The following ABCA13 variants were observed in gnomAD, a reference collection of about 807,000 sequenced individuals.
ABCA13 encodes ATP-binding cassette sub-family A member 13.
A neutral mutation model predicts 478.7 loss-of-function variants in ABCA13; 476 were observed. The ratio of observed to expected loss-of-function variants is 0.99; its 90% confidence interval spans 0.92 to 1.07. The LOEUF is 1.07. Among genes scored for constraint, ABCA13 ranks in the 50% least tolerant of loss-of-function variants. The pLI, the probability that ABCA13 is intolerant of heterozygous loss-of-function variation, is 0.00. For synonymous variants in ABCA13, 2,252 were observed against 2,158.9 expected (o/e 1.04, Z -1.20); for missense variants, 6,060 against 5,910.6 (o/e 1.03, Z -0.83).
intron 42 of ABCA13, among the ~76,000 whole-genome samples, chr7:48,441,860 A>G (rs1046091176): frequency 3.3e-5 from 5 of 152,220 alleles, no homozygotes; most frequent in Admixed American, 2.6e-4. Context: ...GCGAACTCTA[A>G]ATGATAAAAA....
In ABCA13 at chr7:48,347,712, A is replaced by G. The variant is rs547586676; in HGVS notation, c.10205-2931A>G. On this transcript the variant is annotated intron_variant, in intron 29 of 61. Transcript: ENST00000435803. ...TGGAAAGTCCCCTGCCACACAGGAC[A>G]TTGCTTTGTGCTGTGCTACCTGAAC... is the stretch of plus-strand genomic sequence containing the variant. Among the ~76,000 whole-genome samples, 377 of 152,316 alleles carry G rather than the reference A, an allele frequency of 2.5e-3. 2 individuals are homozygous for G. Among genetic ancestry groups the G allele is most frequent in the African/African-American group, 8.6e-3 (359 of 41,574 alleles).
At position 48,401,007 on chromosome 7, in the gene ABCA13, G is replaced by A. The variant is rs549446215; in HGVS notation, c.11874-2676G>A. Among the ~76,000 whole-genome samples the A allele has an allele frequency of 1.1e-3, 163 of 152,344 alleles. 5 individuals are homozygous for A. The South Asian group carries it at 0.021, about 20-fold the overall frequency. ...GACACTTAACAGGTACATATGATAC[G>A]TGTCACAGGGACCCAGTGGATGCCA... is the stretch of plus-strand genomic sequence containing the variant. On this transcript the variant is annotated intron_variant, in intron 38 of 61. Coordinates refer to ENST00000435803, the MANE Select transcript of ABCA13 (RefSeq NM_152701.5).
At chr7:48,422,063 A>AG (rs2129123935) in intron 41 of ABCA13, among the ~76,000 whole-genome samples, 1 of 60,000 alleles carries the variant, frequency 1.7e-5, no homozygotes, top group South Asian at 4.4e-4. Flanking sequence ...TACAAAAAAA[A>AG]AAAAAAAAAA....
At chr7:48,300,656 A>C (rs1215878387) in intron 23 of ABCA13, among the ~76,000 whole-genome samples, 1 of 152,228 alleles carries the variant, frequency 6.6e-6, no homozygotes, top group Non-Finnish European at 1.5e-5. Context: ...CAGCAGATGC[A>C]TGGATACCAT....
At chr7:48,551,210 A>G (rs1409115757) in intron 55 of ABCA13, among the ~76,000 whole-genome samples, 1 of 151,826 alleles carries the variant, frequency 6.6e-6, no homozygotes, top group Non-Finnish European at 1.5e-5. Flanking sequence ...CCTACTTAAT[A>G]TGTGAGCATT....
At chr7:48,344,501 G>A (rs1340997495) in intron 29 of ABCA13, among the ~76,000 whole-genome samples, 1 of 152,148 alleles carries the variant, frequency 6.6e-6, no homozygotes, top group Non-Finnish European at 1.5e-5. Context: ...ATTATTCTCT[G>A]GGGCTTGGCC....
intron 35 of ABCA13, among the ~76,000 whole-genome samples, chr7:48,379,497 A>T (rs557944887): frequency 2.1e-4 from 32 of 152,326 alleles, no homozygotes; most frequent in African/African-American, 6.5e-4. Flanking sequence ...GAGAAATAGA[A>T]ACTAATTTAT....
intron 59 of ABCA13, chr7:48,626,565 A>G (rs975662216): frequency 3.1e-6 from 3 of 961,516 alleles, no homozygotes; most frequent in South Asian, 9.6e-5. Flanking sequence ...CAGGAGAATA[A>G]CTGGCCTATT....
rs778029999 is a variant in ABCA13 at position 48,372,266 on chromosome 7, C to T, written c.10902C>T (p.Ile3634=). Residue 3634 remains isoleucine (I), a synonymous_variant, in exon 33 of 62, where the codon ATC becomes ATT. Coordinates refer to ENST00000435803, the MANE Select transcript of ABCA13 (RefSeq NM_152701.5). Reference sequence around the variant, plus strand: ...CCATAAGCAGTGCTACTCTGGCCATCGTTCTGAAAACAAGTGGCATCTTTG... The same window carrying T: ...CCATAAGCAGTGCTACTCTGGCCATTGTTCTGAAAACAAGTGGCATCTTTG... The part of the protein sequence containing the change: ...VLTISSATLA[I]VLKTSGIFAH... The T allele has an allele frequency of 7.4e-6, 12 of 1,613,952 alleles. No homozygotes were observed. The highest frequency in any genetic ancestry group is 1.7e-5 in the Admixed American group (1 of 60,016).
chr7:48,462,277 A>G (rs1418276449), intron 43 of ABCA13, among the ~76,000 whole-genome samples: 1 of 152,136 alleles, frequency 6.6e-6, no homozygotes, highest in Non-Finnish European at 1.5e-5. Context: ...GCAGGGAGGC[A>G]TTAAGAAGTT....
At chr7:48,573,310 T>C (rs1787854515) in intron 55 of ABCA13, among the ~76,000 whole-genome samples, 1 of 150,948 alleles carries the variant, frequency 6.6e-6, no homozygotes, top group Admixed American at 6.6e-5. Flanking sequence ...ATATCACTTG[T>C]GGGTTTATTT....
At chr7:48,308,513 T>A (rs1801249465) in intron 23 of ABCA13, among the ~76,000 whole-genome samples, 1 of 152,198 alleles carries the variant, frequency 6.6e-6, no homozygotes, top group South Asian at 2.1e-4. Flanking sequence ...TGCAGCAGTT[T>A]TGTTTACACC....
chr7:48,509,731 C>T (rs571776568), intron 50 of ABCA13, among the ~76,000 whole-genome samples: 1 of 152,234 alleles, frequency 6.6e-6, no homozygotes, highest in South Asian at 2.1e-4. Context: ...TCCAAGGTTG[C>T]TATAGACTAA....
At chr7:48,478,285 A>C (rs1489180693) in intron 45 of ABCA13, among the ~76,000 whole-genome samples, 1 of 126,116 alleles carries the variant, frequency 7.9e-6, no homozygotes, top group East Asian at 2.5e-4. Context: ...TATATCATAT[A>C]TATCATTTTA....
chr7:48,413,343 A>G (rs1218995936), intron 41 of ABCA13, among the ~76,000 whole-genome samples: 1 of 152,092 alleles, frequency 6.6e-6, no homozygotes, highest in Non-Finnish European at 1.5e-5. Context: ...CCCAGGTCCC[A>G]CTTTTCTCTA....
intron 23 of ABCA13, among the ~76,000 whole-genome samples, chr7:48,305,520 C>T (rs1800776381): frequency 6.6e-6 from 1 of 152,186 alleles, no homozygotes; most frequent in Non-Finnish European, 1.5e-5. Context: ...TCTCTCTCCC[C>T]ATCATCTCCA....
At chr7:48,329,200 T>A (rs559893971) in intron 27 of ABCA13, among the ~76,000 whole-genome samples, 2 of 152,322 alleles carry the variant, frequency 1.3e-5, no homozygotes, top group East Asian at 3.9e-4. Context: ...TGTAAACATA[T>A]AGATAAACTC....
chr7:48,373,577 A>T (rs1221086402), intron 33 of ABCA13, among the ~76,000 whole-genome samples: 1 of 152,194 alleles, frequency 6.6e-6, no homozygotes, highest in African/African-American at 2.4e-5. Flanking sequence ...CATTTGTAAA[A>T]ACCCATAACC....
rs769301474 is a variant in ABCA13 at position 48,410,676 on chromosome 7, A to G, written c.12227A>G (p.Gln4076Arg). Residue 4076 changes from glutamine to arginine, a missense_variant and splice_region_variant, in exon 40 of 62, where the codon CAG becomes CGG. This residue lies in a region of ABCA13 where 1,627 missense variants were observed against 1,571.0 expected (regional missense o/e 1.04). Transcript: ENST00000435803. ...GQGLRLTLTR[Q>R]PSVLEAHDLK... ...GGGCTCCGCCTGACACTCACGAGGC[A>G]GGTAAGGAGTGCAACCATTCTATCT... The G allele has an allele frequency of 3.7e-6, 6 of 1,611,480 alleles. No homozygotes were observed. Among genetic ancestry groups the G allele is most frequent in the South Asian group, 2.2e-5 (2 of 90,906 alleles).
Sources: allele counts gnomAD v4.1 joint callset (sites outside exome capture counted in the v4.1 genomes callset), GRCh38; gene constraint gnomAD v4.1.1; regional missense constraint gnomAD v4.1.1; transcripts MANE v1.5; gene names NCBI Gene and HGNC (gene_info 2026-07-23, HGNC 2026-07-21).